The following RANBP2 variants were observed in gnomAD, a reference collection of about 807,000 sequenced individuals.
RANBP2 encodes the protein RAN binding protein 2, also known as E3 SUMO-protein ligase RanBP2.
Under a neutral mutation model 303.6 loss-of-function variants are expected in RANBP2, and 57 were observed. That is an observed-to-expected ratio of 0.19 (90% CI 0.15 to 0.23). The LOEUF (loss-of-function observed/expected upper bound fraction) is 0.23. Ranked by LOEUF, RANBP2 falls within the 10% of genes least tolerant of loss-of-function variation. The pLI, the probability that RANBP2 is intolerant of heterozygous loss-of-function variation, is 1.00. For missense variants in RANBP2, 3,138 were observed against 3,780.8 expected (o/e 0.83, Z 4.46); for synonymous variants, 1,167 against 1,301.5 (o/e 0.90, Z 2.23).
At chr2:109,292,295 A>G in the RANBP2 span, among the ~76,000 whole-genome samples, 1 of 152,236 alleles carries the variant, frequency 6.6e-6, no homozygotes, top group African/African-American at 2.4e-5. Flanking sequence ...TTCAGAATCC[A>G]GAGAGTCCCC....
chr2:109,474,061 GT>G, the RANBP2 span, among the ~76,000 whole-genome samples: 1 of 152,164 alleles, frequency 6.6e-6, no homozygotes, highest in African/African-American at 2.4e-5. Context: ...CTCACCTTTG[GT>G]TTGGGGGTTC....
At chr2:109,279,466 G>A in the RANBP2 span, among the ~76,000 whole-genome samples, 1 of 152,170 alleles carries the variant, frequency 6.6e-6, no homozygotes, top group Non-Finnish European at 1.5e-5. Context: ...CTTTAATGCT[G>A]CTATGCTGCT....
the RANBP2 span, chr2:109,398,958 G>C: frequency 2.5e-6 from 4 of 1,599,948 alleles, no homozygotes; most frequent in Non-Finnish European, 3.4e-6. Flanking sequence ...CATCCCGCGG[G>C]CCAGGGCAGG....
the RANBP2 span, among the ~76,000 whole-genome samples, chr2:109,210,194 T>C: frequency 1.3e-5 from 2 of 152,260 alleles, no homozygotes; most frequent in African/African-American, 2.4e-5. Flanking sequence ...ATTTTGTGTA[T>C]TCATTCATCT....
the RANBP2 span, among the ~76,000 whole-genome samples, chr2:108,851,295 TTTG>T: frequency 6.6e-6 from 1 of 152,020 alleles, no homozygotes; most frequent in East Asian, 1.9e-4. Context: ...TGTTTTGTTT[TTTG>T]TTGTTTGTTT....
the RANBP2 span, among the ~76,000 whole-genome samples, chr2:109,171,697 C>T: frequency 6.6e-6 from 1 of 152,248 alleles, no homozygotes; most frequent in Non-Finnish European, 1.5e-5. Context: ...TTCGGTGCAG[C>T]TAATGCCTTC....
the RANBP2 span, among the ~76,000 whole-genome samples, chr2:109,730,776 CTTTTTTTT>C: frequency 0.12 from 9,290 of 78,958 alleles, 607 homozygotes; most frequent in African/African-American, 0.25. Context: ...CTCTCTCTCT[CTTTTTTTT>C]TTTTTTTTTT....
At chr2:108,812,831 G>A in the RANBP2 span, 291 of 1,613,158 alleles carry the variant, frequency 1.8e-4, 3 homozygotes, top group Admixed American at 4.7e-3. Context: ...GGAAGTACGA[G>A]TTTATGACAA....
chr2:109,521,916 G>C, the RANBP2 span, among the ~76,000 whole-genome samples: 1 of 152,314 alleles, frequency 6.6e-6, no homozygotes, highest in South Asian at 2.1e-4. Context: ...TGCAGGGATG[G>C]GGAGGGAGGG....
chr2:108,929,415 T>A, the RANBP2 span: 1 of 1,608,632 alleles, frequency 6.2e-7, no homozygotes, highest in African/African-American at 1.3e-5. Context: ...CACAGGTGAG[T>A]GCAGCAGCCA....
chr2:108,944,347 C>T, the RANBP2 span, among the ~76,000 whole-genome samples: 227 of 152,350 alleles, frequency 1.5e-3, 2 homozygotes, highest in Non-Finnish European at 2.7e-3. Context: ...CTCCTGACCT[C>T]AGGTAATCCA....
the RANBP2 span, among the ~76,000 whole-genome samples, chr2:109,396,817 C>T: frequency 1.3e-5 from 2 of 152,256 alleles, no homozygotes; most frequent in African/African-American, 2.4e-5. Flanking sequence ...ACAGAGCGGG[C>T]GTGACTCTGC....
chr2:109,479,660 C>A, the RANBP2 span, among the ~76,000 whole-genome samples: 1 of 152,106 alleles, frequency 6.6e-6, no homozygotes, highest in Non-Finnish European at 1.5e-5. Flanking sequence ...CAGAGCCCTG[C>A]ACTTTTGTCT....
chr2:109,249,467 C>CTCTTTCTTTCTTTCTTTCTT, the RANBP2 span, among the ~76,000 whole-genome samples: 204 of 99,276 alleles, frequency 2.1e-3, 8 homozygotes, highest in Non-Finnish European at 2.7e-3. Context: ...TTCTCTCTTT[C>CTCTTTCTTTCTTTCTTTCTT]TCTTTCTTTC....
At chr2:109,463,520 C>G in the RANBP2 span, among the ~76,000 whole-genome samples, 4 of 152,130 alleles carry the variant, frequency 2.6e-5, no homozygotes, top group Non-Finnish European at 4.4e-5. Flanking sequence ...TTCTCATAGT[C>G]GTGGTGAAAG....
chr2:108,801,126 C>G, the RANBP2 span, among the ~76,000 whole-genome samples: 1 of 38,780 alleles, frequency 2.6e-5, no homozygotes, highest in African/African-American at 8.3e-5. Context: ...GATTTATAGT[C>G]CTTTGGGTAT....
chr2:109,128,877 AC>A, the RANBP2 span: 1 of 309,356 alleles, frequency 3.2e-6, no homozygotes, highest in Non-Finnish European at 6.7e-6. Context: ...GTCCTAGGGG[AC>A]CAGGCTAATC....
At position 108,730,858 on chromosome 2, in the gene RANBP2, C is replaced by T. The variant is rs144278795; in HGVS notation, c.225C>T (p.Asn75=). ...FLGLLYELEE[N]TDKAVECYRR... ...GTCTTCTTTATGAATTGGAAGAAAACACAGACAAAGCCGTTGAATGTTACA... is the reference window on the plus strand; with the variant it reads ...GTCTTCTTTATGAATTGGAAGAAAATACAGACAAAGCCGTTGAATGTTACA... The change falls in exon 3 of 29, where the codon AAC becomes AAT. Residue 75 remains asparagine (N), a synonymous_variant. Coordinates refer to ENST00000283195, the MANE Select transcript of RANBP2 (RefSeq NM_006267.5). 1.9e-6 allele frequency: 3 copies of T among 1,611,624 alleles called. No individual in the cohort carries two copies. Among genetic ancestry groups the T allele is most frequent in the East Asian group, 2.2e-5 (1 of 44,784 alleles).
chr2:108,810,160 C>T, the RANBP2 span, among the ~76,000 whole-genome samples: 1 of 152,144 alleles, frequency 6.6e-6, no homozygotes, highest in African/African-American at 2.4e-5. Context: ...ATTACTCTGG[C>T]TAGTACTTCT....
Sources: gnomAD v4.1 joint callset for allele counts (sites outside exome capture counted in the v4.1 genomes callset) on GRCh38, gnomAD v4.1.1 for gene constraint, MANE v1.5 for transcripts, NCBI Gene and HGNC (gene_info 2026-07-23, HGNC 2026-07-21) for gene names.